STPG2: variants seen among roughly 807,000 people sequenced by gnomAD.
The protein encoded by STPG2 is sperm-tail PG-rich repeat-containing protein 2.
STPG2 carries 56 observed loss-of-function variants against 54.2 expected under a neutral mutation model. The observed-to-expected ratio is 1.03, with a 90% CI of 0.83 to 1.29. The LOEUF (loss-of-function observed/expected upper bound fraction) is 1.29. Among genes scored for constraint, STPG2 ranks in the 50% most tolerant of loss-of-function variants. The pLI is 0.00. For synonymous variants in STPG2, 200 were observed against 181.8 expected, an observed-to-expected ratio of 1.10 and a Z score of -0.81; for missense variants, 596 against 544.9, an observed-to-expected ratio of 1.09 and a Z score of -0.93.
At chr4:97,767,951 A>C (rs551684349) in intron 9 of STPG2, among the ~76,000 whole-genome samples, 5 of 152,150 alleles carry the variant, frequency 3.3e-5, no homozygotes, top group African/African-American at 7.2e-5. Context: ...GCAGATCACC[A>C]GGTCAGGAGA....
intron 9 of STPG2, among the ~76,000 whole-genome samples, chr4:97,789,721 G>C (rs1726934009): frequency 6.6e-6 from 1 of 152,094 alleles, no homozygotes; most frequent in South Asian, 2.1e-4. Flanking sequence ...TATAAGGCTT[G>C]TTAGATGTCA....
chr4:97,855,521 T>A (rs1272039206), intron 8 of STPG2, among the ~76,000 whole-genome samples: 1 of 151,372 alleles, frequency 6.6e-6, no homozygotes, highest in African/African-American at 2.4e-5. Flanking sequence ...ATAAGGTTGT[T>A]TTTTTTTCTT....
At chr4:97,898,448 AT>A (rs33926684) in intron 8 of STPG2, among the ~76,000 whole-genome samples, 9,522 of 151,692 alleles carry the variant, frequency 0.063, 368 homozygotes, top group Admixed American at 0.12. Context: ...GAACTTCTAG[AT>A]TTTTTTTCCA....
chr4:97,523,137 T>C (rs1578360619), intron 4 of STPG2, among the ~76,000 whole-genome samples: 1 of 151,964 alleles, frequency 6.6e-6, no homozygotes, highest in African/African-American at 2.4e-5. Context: ...ACATGGTATT[T>C]GACATTTTTC....
intron 10 of STPG2, among the ~76,000 whole-genome samples, chr4:97,599,064 C>T (rs1733383714): frequency 1.3e-5 from 2 of 152,070 alleles, no homozygotes; most frequent in Admixed American, 6.6e-5. Flanking sequence ...AACAATTCTA[C>T]AAGCAAAAAC....
At chr4:97,625,239 A>C (rs1734110457) in intron 10 of STPG2, among the ~76,000 whole-genome samples, 1 of 152,234 alleles carries the variant, frequency 6.6e-6, no homozygotes, top group Non-Finnish European at 1.5e-5. Flanking sequence ...TAATGCTGGC[A>C]GATATACTTG....
intron 4 of STPG2, among the ~76,000 whole-genome samples, chr4:97,475,525 G>A (rs1730049366): frequency 6.6e-6 from 1 of 150,506 alleles, no homozygotes; most frequent in Non-Finnish European, 1.5e-5. Context: ...TAATATATAT[G>A]TACCATATTC....
At chr4:98,029,721 C>G (rs1001541732) in intron 5 of STPG2, among the ~76,000 whole-genome samples, 2 of 152,120 alleles carry the variant, frequency 1.3e-5, no homozygotes, top group South Asian at 4.1e-4. Context: ...TTCTAAAGCA[C>G]CCCAGTTTGC....
chr4:97,861,619 C>G (rs951548321), intron 8 of STPG2, among the ~76,000 whole-genome samples: 1 of 151,794 alleles, frequency 6.6e-6, no homozygotes, highest in African/African-American at 2.4e-5. Flanking sequence ...CATCAGGAGA[C>G]AAATGGATAA....
intron 9 of STPG2, among the ~76,000 whole-genome samples, chr4:97,776,095 T>C (rs975640613): frequency 1.3e-5 from 2 of 152,178 alleles, no homozygotes; most frequent in Non-Finnish European, 2.9e-5. Flanking sequence ...CAAAATATCA[T>C]TGATGGTTTT....
intron 10 of STPG2, among the ~76,000 whole-genome samples, chr4:97,593,297 C>T (rs1289879147): frequency 6.6e-6 from 1 of 152,144 alleles, no homozygotes; most frequent in South Asian, 2.1e-4. Flanking sequence ...AGCACTTGTC[C>T]ACAGCCACCC....
At chr4:97,811,536 A>G (rs923349178) in intron 9 of STPG2, among the ~76,000 whole-genome samples, 1 of 121,316 alleles carries the variant, frequency 8.2e-6, no homozygotes, top group African/African-American at 3.1e-5. Context: ...AAGTTGTAGC[A>G]GCAGTAAAAA....
At chr4:97,724,620 T>C (rs1031324658) in intron 9 of STPG2, among the ~76,000 whole-genome samples, 1 of 152,176 alleles carries the variant, frequency 6.6e-6, no homozygotes, top group Non-Finnish European at 1.5e-5. Context: ...GGATATTTTT[T>C]AAATTTGCTA....
intron 5 of STPG2, among the ~76,000 whole-genome samples, chr4:98,021,519 G>A (rs1736192504): frequency 6.6e-6 from 1 of 152,100 alleles, no homozygotes; most frequent in Admixed American, 6.5e-5. Context: ...GAGTTCTGTA[G>A]ATGTCTATTA....
At chr4:97,552,706 T>C (rs1259866199) in intron 4 of STPG2, among the ~76,000 whole-genome samples, 1 of 152,092 alleles carries the variant, frequency 6.6e-6, no homozygotes, top group Non-Finnish European at 1.5e-5. Flanking sequence ...CACTGAAGTG[T>C]AATACTTTTG....
chr4:97,684,810 A>C (rs538807144), intron 10 of STPG2, among the ~76,000 whole-genome samples: 1 of 152,096 alleles, frequency 6.6e-6, no homozygotes, highest in African/African-American at 2.4e-5. Flanking sequence ...TGAAGAGACA[A>C]GCCAAAAATT....
chr4:98,024,920 CAA>C (rs35635126), intron 5 of STPG2, among the ~76,000 whole-genome samples: 41,418 of 151,954 alleles, frequency 0.27, 5,901 homozygotes, highest in Middle Eastern at 0.35. Context: ...AATATTAATT[CAA>C]GACTCAACAA....
chr4:98,077,214 T>C (rs959781737), intron 5 of STPG2, among the ~76,000 whole-genome samples: 3 of 139,338 alleles, frequency 2.2e-5, no homozygotes, highest in African/African-American at 8.3e-5. Flanking sequence ...TTCTTTTGCG[T>C]CCTCAATAGT....
intron 10 of STPG2, among the ~76,000 whole-genome samples, chr4:97,641,149 A>T (rs1257148111): frequency 2.6e-5 from 4 of 151,668 alleles, no homozygotes; most frequent in Admixed American, 2.6e-4. Context: ...AAGATAAAAG[A>T]AATAAAAGCT....
Sources: allele counts gnomAD v4.1 joint callset (sites outside exome capture counted in the v4.1 genomes callset), GRCh38; gene constraint gnomAD v4.1.1; transcripts MANE v1.5; gene names NCBI Gene and HGNC (gene_info 2026-07-23, HGNC 2026-07-21).